KDR: variants seen among roughly 807,000 people sequenced by gnomAD.
KDR encodes kinase insert domain receptor.
KDR carries 43 observed loss-of-function variants against 160.9 expected under a neutral mutation model. The ratio of observed to expected loss-of-function variants is 0.27; its 90% CI spans 0.21 to 0.34. KDR has a LOEUF of 0.34. KDR is among the 10% of genes least tolerant of loss of function. The probability of loss-of-function intolerance (pLI) is 1.00; values close to 1 mark genes in which losing one functional copy is unlikely to be tolerated. For synonymous variants in KDR, 617 were observed against 600.1 expected, an observed-to-expected ratio of 1.03 and a Z score of -0.41; for missense variants, 1,469 against 1,666.4, an observed-to-expected ratio of 0.88 and a Z score of 2.06.
Position 55,110,529 on chromosome 4 carries a change from T to C in KDR, c.1129A>G (p.Ile377Val). 6.2e-7 allele frequency: 1 copy of C among 1,614,022 alleles called. No homozygotes were observed. Among genetic ancestry groups the C allele is most frequent in the Non-Finnish European group, 8.5e-7 (1 of 1,179,956 alleles). Residue 377 changes from isoleucine (I) to valine (V), a missense_variant, in exon 9 of 30, where the codon ATT (isoleucine) becomes GTT (valine). Coordinates refer to ENST00000263923, the MANE Select transcript of KDR (RefSeq NM_002253.4). ...ATCGTCAGTACATGCCCCGCTTTAATTGTGTGATTGGACTCAAGGGGTATT... is the reference window on the plus strand; with the variant it reads ...ATCGTCAGTACATGCCCCGCTTTAACTGTGTGATTGGACTCAAGGGGTATT... ...NGIPLESNHT[I>V]KAGHVLTIME...
At chr4:55,080,891 G>A (rs1185051215) in intron 29 of KDR, among the ~76,000 whole-genome samples, 2 of 152,124 alleles carry the variant, frequency 1.3e-5, no homozygotes, top group African/African-American at 2.4e-5. Context: ...GGTAATAGGT[G>A]TTTTCCCCAA....
chr4:55,081,401 C>T (rs1045908701), intron 29 of KDR, among the ~76,000 whole-genome samples: 3 of 152,046 alleles, frequency 2.0e-5, no homozygotes, highest in Non-Finnish European at 2.9e-5. Context: ...GTTAAGAGAA[C>T]GTACACGTAT....
rs760600929 is a variant in KDR at position 55,110,469 on chromosome 4, T to C, written c.1189A>G (p.Thr397Ala). 1 of 1,614,038 alleles carries C rather than the reference T, an allele frequency of 6.2e-7. No homozygotes were observed. The highest frequency in any genetic ancestry group is 1.1e-5 in the South Asian group (1 of 91,088). The change falls in exon 9 of 30, where the codon ACT (threonine) becomes GCT (alanine). Residue 397 changes from threonine (T) to alanine (A), a missense_variant. Around this residue, in one of 7 missense-constraint regions of KDR, gnomAD observed 792 missense variants for 840.9 expected, o/e 0.94. Coordinates refer to ENST00000263923, the MANE Select transcript of KDR (RefSeq NM_002253.4). ...EVSERDTGNY[T>A]VILTNPISKE... is the part of the protein sequence containing the mutation. ...GAAATGGGATTGGTAAGGATGACAG[T>C]GTAATTTCCTGTGTCTCTTTCACTC...
At chr4:55,094,695 T>G in intron 21 of KDR, 107 bp downstream of exon 21, 1 of 1,016,262 alleles carries the variant, frequency 9.8e-7, no homozygotes, top group Non-Finnish European at 1.6e-6. Context: ...TTTCAAATTA[T>G]GAGGTAGTAT....
At position 55,107,781 on chromosome 4, in the gene KDR, G is replaced by A. The variant is rs769291144; in HGVS notation, c.1368C>T (p.Ile456=). The A allele has an allele frequency of 2.5e-6, 4 of 1,613,886 alleles. No individual in the cohort carries two copies. The highest frequency in any genetic ancestry group is 3.4e-6 in the Non-Finnish European group (4 of 1,179,930). ...TVYAIPPPHH[I]HWYWQLEEEC... is the part of the protein sequence containing the mutation. ...CTTCCTCCAACTGCCAATACCAGTGGATGTGATGCGGGGGAGGAATGGCAT... is the reference window on the plus strand; with the variant it reads ...CTTCCTCCAACTGCCAATACCAGTGAATGTGATGCGGGGGAGGAATGGCAT... The change falls in exon 10 of 30, where the codon ATC becomes ATT. Residue 456 remains isoleucine (I), a synonymous_variant. Transcript: ENST00000263923.
intron 21 of KDR, 25 bp from the exon 22 acceptor site, chr4:55,092,739 A>AAATACT: frequency 6.8e-7 from 1 of 1,480,264 alleles, no homozygotes; most frequent in Non-Finnish European, 9.5e-7. Flanking sequence ...AGGAGGATGG[A>AAATACT]GATCAGTATT....
intron 7 of KDR, among the ~76,000 whole-genome samples, chr4:55,111,550 C>T (rs1358580508): frequency 2.0e-5 from 3 of 152,162 alleles, no homozygotes; most frequent in Non-Finnish European, 4.4e-5. Flanking sequence ...CTAAGCCACC[C>T]CTCAACTCTC....
chr4:55,079,592 T>C lies in KDR; in HGVS notation c.*349A>G, dbSNP rs764559796. Reference sequence around the variant, plus strand: ...GGTTTATCTTCTAGTTTTACAGAAGTGTCAGCTCCCCAGGTACTGCTACTT... The same window carrying C: ...GGTTTATCTTCTAGTTTTACAGAAGCGTCAGCTCCCCAGGTACTGCTACTT... On this transcript the variant is annotated 3_prime_UTR_variant, in exon 30 of 30. Transcript: ENST00000263923. 3 of 407,416 alleles carry C rather than the reference T, an allele frequency of 7.4e-6. No homozygotes were observed. Among genetic ancestry groups the C allele is most frequent in the Non-Finnish European group, 1.4e-5 (3 of 219,720 alleles). 25.2% of individuals were successfully genotyped at this position (407,416 alleles called of 1,614,324 possible).
chr4:55,124,595 C>T (rs1720981903), intron 1 of KDR, among the ~76,000 whole-genome samples: 1 of 151,994 alleles, frequency 6.6e-6, no homozygotes, highest in Non-Finnish European at 1.5e-5. Context: ...CTGTCAAAGC[C>T]CCCAGGACAA....
At chr4:55,124,426 G>A (rs1356377899) in intron 1 of KDR, among the ~76,000 whole-genome samples, 3 of 152,128 alleles carry the variant, frequency 2.0e-5, no homozygotes, top group Non-Finnish European at 4.4e-5. Flanking sequence ...GGCAGGGAGA[G>A]GAAGGAATGG....
intron 9 of KDR, among the ~76,000 whole-genome samples, chr4:55,109,943 A>G (rs945034921): frequency 1.3e-5 from 2 of 152,238 alleles, no homozygotes; most frequent in Non-Finnish European, 2.9e-5. Context: ...AACAGTGTCA[A>G]CTTCAAAAGC....
chr4:55,098,979 T>TTTAA (rs1448787513), intron 15 of KDR, among the ~76,000 whole-genome samples, 176 bp from the exon 16 acceptor site: 3 of 144,328 alleles, frequency 2.1e-5, no homozygotes, highest in Admixed American at 6.9e-5. Flanking sequence ...TTTTTTTGAA[T>TTTAA]TTAATTTATT....
intron 25 of KDR, 21 bp downstream of exon 25, chr4:55,089,353 G>T: frequency 6.5e-7 from 1 of 1,535,412 alleles, no homozygotes. Context: ...GAGAACACAG[G>T]AATACTTCTT....
intron 18 of KDR, chr4:55,096,677 A>C: frequency 2.7e-6 from 1 of 370,390 alleles, no homozygotes; most frequent in South Asian, 2.5e-5. Context: ...GTTCACTATG[A>C]TTCTGAGGGT....
At chr4:55,098,404 G>C in intron 16 of KDR, 132 bp from the exon 17 acceptor site, 2 of 1,097,942 alleles carry the variant, frequency 1.8e-6, no homozygotes, top group Non-Finnish European at 2.7e-6. Context: ...TTTGAGAGTG[G>C]TCCTATTATA....
intron 27 of KDR, among the ~76,000 whole-genome samples, chr4:55,083,190 G>T (rs1290636134): frequency 6.6e-6 from 1 of 152,154 alleles, no homozygotes. Context: ...GGTGGGCTGA[G>T]TCTCACTGTC....
chr4:55,125,151 A>G (rs762060826), intron 1 of KDR, 76 bp downstream of exon 1: 30 of 1,319,214 alleles, frequency 2.3e-5, no homozygotes, highest in Non-Finnish European at 3.1e-5. Flanking sequence ...TACGATTCCG[A>G]GTTAGATCTG....
chr4:55,098,307 CTG>C (rs757850936), intron 16 of KDR, 35 bp from the exon 17 acceptor site: 7 of 1,612,874 alleles, frequency 4.3e-6, no homozygotes, highest in Admixed American at 3.3e-5. Context: ...CATAAACACA[CTG>C]TTGTTTGGCT....
chr4:55,118,583 G>A (rs1553914725), intron 3 of KDR, 21 bp downstream of exon 3: 1 of 1,588,654 alleles, frequency 6.3e-7, no homozygotes, highest in South Asian at 1.1e-5. Flanking sequence ...CGTGGGAAAT[G>A]AATTTTATTT....
Sources: allele counts gnomAD v4.1 joint callset (sites outside exome capture counted in the v4.1 genomes callset), GRCh38; gene constraint gnomAD v4.1.1; regional missense constraint gnomAD v4.1.1; transcripts MANE v1.5; gene names NCBI Gene and HGNC (gene_info 2026-07-23, HGNC 2026-07-21).